Variants in SLC17A6 observed in about 807,000 individuals in gnomAD.
SLC17A6 encodes solute carrier family 17 member 6, also known as vesicular glutamate transporter 2.
Under a neutral mutation model 67.1 loss-of-function variants are expected in SLC17A6, and 35 were observed. The ratio of observed to expected loss-of-function variants is 0.52; its 90% CI spans 0.40 to 0.69. SLC17A6 has a LOEUF of 0.69. SLC17A6 is among the 30% of genes least tolerant of loss of function. The pLI, the probability that SLC17A6 is intolerant of heterozygous loss-of-function variation, is 0.00. For missense variants in SLC17A6, 588 were observed against 723.9 expected (o/e 0.81, Z 2.15); for synonymous variants, 285 against 252.3 (o/e 1.13, Z -1.23).
chr11:22,351,885 T>C (rs1362517771), intron 3 of SLC17A6, among the ~76,000 whole-genome samples: 1 of 152,060 alleles, frequency 6.6e-6, no homozygotes, highest in Non-Finnish European at 1.5e-5. Flanking sequence ...CTAGGGATAA[T>C]AAAACTCACA....
chr11:22,348,453 C>G (rs1048708371), intron 3 of SLC17A6, among the ~76,000 whole-genome samples: 1 of 152,112 alleles, frequency 6.6e-6, no homozygotes, highest in Admixed American at 6.5e-5. Context: ...TGATTCTGCC[C>G]TTTTCTCCGC....
chr11:22,370,270 T>C, intron 8 of SLC17A6, 82 bp downstream of exon 8: 1 of 1,156,960 alleles, frequency 8.6e-7, no homozygotes, highest in Admixed American at 2.5e-5. Context: ...AAAATTTTTA[T>C]CTTCTAATTT....
At chr11:22,348,386 A>G (rs1381904322) in intron 3 of SLC17A6, among the ~76,000 whole-genome samples, 1 of 152,176 alleles carries the variant, frequency 6.6e-6, no homozygotes, top group African/African-American at 2.4e-5. Flanking sequence ...GGAGAATCAT[A>G]CTGAATTTTT....
chr11:22,363,793 A>G (rs1856078419), intron 6 of SLC17A6, among the ~76,000 whole-genome samples: 1 of 151,840 alleles, frequency 6.6e-6, no homozygotes, highest in Non-Finnish European at 1.5e-5. Flanking sequence ...TTTTTTTCTT[A>G]GGGAGATTTT....
intron 3 of SLC17A6, among the ~76,000 whole-genome samples, chr11:22,356,705 G>A (rs1423138747): frequency 3.9e-5 from 6 of 152,250 alleles, no homozygotes; most frequent in Middle Eastern, 3.4e-3. Context: ...GCATGTTGGC[G>A]TGGGCCTGTA....
At chr11:22,363,929 A>G (rs559241125) in intron 6 of SLC17A6, among the ~76,000 whole-genome samples, 4 of 152,196 alleles carry the variant, frequency 2.6e-5, no homozygotes, top group African/African-American at 4.8e-5. Context: ...CCAATTAAAT[A>G]CTATGTTTTG....
intron 3 of SLC17A6, among the ~76,000 whole-genome samples, chr11:22,349,390 A>T (rs1855912215): frequency 6.6e-6 from 1 of 152,212 alleles, no homozygotes; most frequent in Non-Finnish European, 1.5e-5. Context: ...GGGGTAAGTC[A>T]GGAGAAGCCT....
chr11:22,352,008 C>T (rs1427591220), intron 3 of SLC17A6, among the ~76,000 whole-genome samples: 5 of 152,062 alleles, frequency 3.3e-5, no homozygotes, highest in African/African-American at 1.2e-4. Flanking sequence ...AATGATGAAA[C>T]AAGCATAATA....
intron 3 of SLC17A6, among the ~76,000 whole-genome samples, chr11:22,357,907 T>G (rs1392768568): frequency 6.6e-6 from 1 of 152,194 alleles, no homozygotes; most frequent in Non-Finnish European, 1.5e-5. Flanking sequence ...ATCATTTATC[T>G]CAGTGGAGAG....
At chr11:22,373,842 C>T (rs1017564698) in intron 8 of SLC17A6, among the ~76,000 whole-genome samples, 1 of 152,078 alleles carries the variant, frequency 6.6e-6, no homozygotes, top group Non-Finnish European at 1.5e-5. Context: ...ATTGTGATAC[C>T]TTACTATACA....
chr11:22,367,483 T>C (rs1270059624), intron 7 of SLC17A6, among the ~76,000 whole-genome samples: 2 of 152,144 alleles, frequency 1.3e-5, no homozygotes, highest in Non-Finnish European at 2.9e-5. Context: ...AATAATTTCT[T>C]ACGGTGGCTA....
chr11:22,347,719 G>A (rs577889991), intron 3 of SLC17A6, among the ~76,000 whole-genome samples: 39 of 152,152 alleles, frequency 2.6e-4, no homozygotes, highest in African/African-American at 8.7e-4. Flanking sequence ...TTATTTGAAG[G>A]CCTTTAAAGA....
rs533746260 is a variant in SLC17A6, at chr11:22,364,293, T to C, written c.749-1254T>C. Among the ~76,000 whole-genome samples, 172 of 152,270 alleles carry C rather than the reference T, an allele frequency of 1.1e-3. 1 individual carries two copies. The highest frequency in any genetic ancestry group is 3.8e-3 in the African/African-American group (160 of 41,580). ...ATTCTGTTAGTGGTAATGATAATTA[T>C]TATAAAATTACAATATCTCTCATTT... On this transcript the variant is annotated intron_variant, in intron 6 of 11. Transcript: ENST00000263160.
Position 22,377,907 on chromosome 11 carries a change from T to G in SLC17A6, c.*167T>G, listed in dbSNP as rs931434926. 3.0e-5 allele frequency: 17 copies of G among 574,078 alleles called. No homozygotes were observed. Among genetic ancestry groups the G allele is most frequent in the African/African-American group, 5.7e-5 (3 of 52,844 alleles). The allele number at this position is 574,078 out of a possible 1,614,324, so 35.6% of individuals were successfully genotyped here. A position where few individuals can be genotyped will look rare whatever the true frequency, so the allele number is the denominator to read the frequency against. On this transcript the variant is annotated 3_prime_UTR_variant, in exon 12 of 12. Transcript: ENST00000263160. Reference sequence around the variant, plus strand: ...CATGAGGTTACCATCAAGTGCAATCTGTAAAATTGTGAAGTTCCATCATTT... The same window carrying G: ...CATGAGGTTACCATCAAGTGCAATCGGTAAAATTGTGAAGTTCCATCATTT...
rs1855781864 is a variant in SLC17A6 at position 22,339,178 on chromosome 11, GTTTTATATATATATATATATATATATGTT to G, written c.86+560_86+588del. On this transcript the variant is annotated intron_variant, in intron 1 of 11. Transcript: ENST00000263160. ...TTATATATATATGTTATATATATATGTTTTATATATATATATATATATATATGTTAGAGAGAGAGAGAAAGAGAGAGGTC... is the reference window on the plus strand; with the variant it reads ...TTATATATATATGTTATATATATATGAGAGAGAGAGAGAAAGAGAGAGGTC... Among the ~76,000 whole-genome samples the G allele has an allele frequency of 1.0e-4, 3 of 29,544 alleles. No homozygotes were observed. The Admixed American group carries it at 1.7e-3, about 17-fold the overall frequency. The allele number at this position is 29,544 out of a possible 152,430, so 19.4% of individuals were successfully genotyped here.
intron 7 of SLC17A6, among the ~76,000 whole-genome samples, chr11:22,368,503 C>T (rs538645199): frequency 6.6e-6 from 1 of 152,008 alleles, no homozygotes; most frequent in East Asian, 1.9e-4. Context: ...TCCCTTTAAT[C>T]CGCCAACAAT....
At chr11:22,359,102 C>T (rs1304980493) in intron 3 of SLC17A6, among the ~76,000 whole-genome samples, 1 of 151,918 alleles carries the variant, frequency 6.6e-6, no homozygotes, top group African/African-American at 2.4e-5. Context: ...AAATAGAGTC[C>T]AAAACATATA....
chr11:22,338,587 T>G lies in SLC17A6; in HGVS notation c.54T>G (p.Asn18Lys). Residue 18 changes from asparagine (N) to lysine (K), a missense_variant, in exon 1 of 12, where the codon AAT becomes AAG. Coordinates refer to ENST00000263160, the MANE Select transcript of SLC17A6 (RefSeq NM_020346.3). ...ILAPGKEGLK[N>K]FAGKSLGQIY... ...CCCCAGGAAAAGAGGGGCTAAAGAA[T>G]TTTGCTGGAAAATCACTCGGCCAGA... The G allele has an allele frequency of 6.2e-7, 1 of 1,613,764 alleles. No homozygotes were observed. Among genetic ancestry groups the G allele is most frequent in the Non-Finnish European group, 8.5e-7 (1 of 1,179,858 alleles).
At chr11:22,341,497 G>A (rs1008002258) in intron 1 of SLC17A6, 31 bp from the exon 2 acceptor site, 1 of 1,605,632 alleles carries the variant, frequency 6.2e-7, no homozygotes, top group Non-Finnish European at 8.5e-7. Context: ...AAGCCGCCAA[G>A]TCCTTGACTC....
Sources: allele counts gnomAD v4.1 joint callset (sites outside exome capture counted in the v4.1 genomes callset), GRCh38; gene constraint gnomAD v4.1.1; transcripts MANE v1.5; gene names NCBI Gene and HGNC (gene_info 2026-07-23, HGNC 2026-07-21).